PLCH2: variants seen among roughly 807,000 people sequenced by gnomAD.
PLCH2 encodes the protein phospholipase C eta 2.
PLCH2 carries 98 observed loss-of-function variants against 134.7 expected under a neutral mutation model. That is an observed-to-expected ratio of 0.73 (90% CI 0.62 to 0.86). PLCH2 has a LOEUF of 0.86. Among genes scored for constraint, PLCH2 ranks in the 40% least tolerant of loss-of-function variants. PLCH2 has a pLI of 0.00. For missense variants in PLCH2, 1,994 were observed against 1,986.6 expected, an observed-to-expected ratio of 1.00 and a Z score of -0.07; for synonymous variants, 974 against 827.5, an observed-to-expected ratio of 1.18 and a Z score of -3.04.
chr1:2,500,979 A>C (rs1643194512), intron 20 of PLCH2: 1 of 144,240 alleles, frequency 6.9e-6, no homozygotes, highest in Non-Finnish European at 1.5e-5. Context: ...GTTGGTTCTG[A>C]GTTCGCCTCC....
At chr1:2,487,775 G>C (rs1193259911) in intron 8 of PLCH2, 57 bp downstream of exon 8, 2 of 1,542,834 alleles carry the variant, frequency 1.3e-6, no homozygotes, top group South Asian at 1.2e-5. Flanking sequence ...AGGGTCTCCA[G>C]GCTCTAGCTC....
chr1:2,454,149 TC>T (rs2100565152), intron 2 of PLCH2, among the ~76,000 whole-genome samples: 1 of 152,290 alleles, frequency 6.6e-6, no homozygotes, highest in South Asian at 2.1e-4. Context: ...GTGTTTGGCC[TC>T]CCCGGGGCAT....
chr1:2,444,300 C>G lies in PLCH2; in HGVS notation c.115+13671C>G, dbSNP rs955076991. Among the ~76,000 whole-genome samples, 1 of 152,214 alleles carries G rather than the reference C, an allele frequency of 6.6e-6. No individual in the cohort carries two copies. The highest frequency in any genetic ancestry group is 2.4e-5 in the African/African-American group (1 of 41,464). ...AGAATGACCCCTGCTGAGCCCAGGC[C>G]GGGCACCCCGATCCCTGCCGGATGG... On this transcript the variant is annotated intron_variant, in intron 2 of 3. Coordinates refer to the PLCH2 transcript ENST00000609981. This position sits in a 1 kb window ranked among gnomAD's most constrained non-coding sequence, Gnocchi z 4.6.
At chr1:2,418,651 G>T in the PLCH2 span, among the ~76,000 whole-genome samples, 11 of 152,232 alleles carry the variant, frequency 7.2e-5, no homozygotes, top group Non-Finnish European at 1.2e-4. Context: ...AGGATCTTCA[G>T]TCAGGCAAAG....
At chr1:2,481,481 G>A (rs1283006250) in intron 4 of PLCH2, among the ~76,000 whole-genome samples, 1 of 152,250 alleles carries the variant, frequency 6.6e-6, no homozygotes, top group Non-Finnish European at 1.5e-5. Context: ...TTGAGGCTGT[G>A]CCAGGGCCCG....
At chr1:2,499,592 G>T (rs141226937) in intron 19 of PLCH2, 49 bp from the exon 20 acceptor site, 1 of 1,365,598 alleles carries the variant, frequency 7.3e-7, no homozygotes, top group Non-Finnish European at 1.0e-6. Flanking sequence ...GCAGGTGGGG[G>T]CCCTGGGAGG....
At chr1:2,437,310 T>C (rs1639470457) in intron 2 of PLCH2, among the ~76,000 whole-genome samples, 1 of 152,148 alleles carries the variant, frequency 6.6e-6, no homozygotes, top group Admixed American at 6.5e-5. Flanking sequence ...CCACATTCTC[T>C]AGGGTTGCTC....
intron 2 of PLCH2, among the ~76,000 whole-genome samples, chr1:2,438,080 A>G (rs1307685857): frequency 6.6e-6 from 1 of 152,214 alleles, no homozygotes; most frequent in Non-Finnish European, 1.5e-5. Context: ...CTGGCTTTGC[A>G]GGTCCCTGGG....
upstream of PLCH2, among the ~76,000 whole-genome samples, chr1:2,466,352 G>A (rs528360105): frequency 2.4e-4 from 36 of 152,334 alleles, no homozygotes; most frequent in African/African-American, 7.9e-4. Flanking sequence ...TGGTCCAGCC[G>A]AGGGTCCTAG....
rs1330748579 is a variant in PLCH2, at chr1:2,498,477, C to A, written c.2225-46C>A. 1 of 1,582,616 alleles carries A rather than the reference C, an allele frequency of 6.3e-7. No individual in the cohort carries two copies. The highest frequency in any genetic ancestry group is 8.6e-7 in the Non-Finnish European group (1 of 1,162,920). On this transcript the variant is annotated intron_variant, in intron 16 of 21. Transcript: ENST00000378486. This position sits in a 1 kb window ranked among gnomAD's most constrained non-coding sequence, Gnocchi z 5.4. Reference sequence around the variant, plus strand: ...CAGCCATGCCCCAGCAAGCAGGGGGCTTGCTGAGGGCTGGGCCACTGACCA... The same window carrying A: ...CAGCCATGCCCCAGCAAGCAGGGGGATTGCTGAGGGCTGGGCCACTGACCA...
At chr1:2,499,908 G>A in intron 20 of PLCH2, 188 bp downstream of exon 20, 1 of 626,966 alleles carries the variant, frequency 1.6e-6, no homozygotes, top group South Asian at 1.8e-5. Flanking sequence ...TGAGCCACCA[G>A]TGCCCACCTC....
At position 2,487,257 on chromosome 1, in the gene PLCH2, T is replaced by G. The variant is rs1329678601; in HGVS notation, c.995T>G (p.Leu332Arg). Residue 332 changes from leucine (L) to arginine (R), a missense_variant, in exon 7 of 22, where the codon CTG (leucine) becomes CGG (arginine). Around this residue, in one of 2 missense-constraint regions of PLCH2, gnomAD observed 1,094 missense variants for 1,234.3 expected, o/e 0.89. Coordinates refer to ENST00000378486, the MANE Select transcript of PLCH2 (RefSeq NM_014638.4). The part of the protein sequence containing the change: ...HHVHQDMTQP[L>R]SHYFITSSHN... ...GTGCACCAGGACATGACGCAGCCGC[T>G]GAGCCACTACTTCATCACCTCGTCC... The G allele has an allele frequency of 6.2e-7, 1 of 1,612,988 alleles. No homozygotes were observed.
chr1:2,481,082 A>G (rs1001022683), intron 4 of PLCH2, among the ~76,000 whole-genome samples: 2 of 152,234 alleles, frequency 1.3e-5, no homozygotes, highest in Non-Finnish European at 2.9e-5. Flanking sequence ...ATATGCACAC[A>G]GGCACACACA....
rs550691749 is a variant in PLCH2, at chr1:2,503,065, T to C, written c.2959+656T>C. 5 of 706,268 alleles carry C rather than the reference T, an allele frequency of 7.1e-6. No homozygotes were observed. In the Admixed American group the frequency reaches 1.0e-4, roughly 14 times the overall value. 43.8% of individuals were successfully genotyped at this position (706,268 alleles called of 1,614,324 possible). ...ACTGTCTCCGTGGCACTCTGCTCCC[T>C]TGGCTTGCCTGTGGCCCATAGCCCC... is the stretch of plus-strand genomic sequence containing the variant. On this transcript the variant is annotated intron_variant, in intron 21 of 21. Coordinates refer to ENST00000378486, the MANE Select transcript of PLCH2 (RefSeq NM_014638.4).
At chr1:2,488,721 A>G (rs1642407977) in intron 8 of PLCH2, among the ~76,000 whole-genome samples, 2 of 152,214 alleles carry the variant, frequency 1.3e-5, no homozygotes, top group South Asian at 4.1e-4. Context: ...GTTCCACCAG[A>G]TGGTGTGTGC....
upstream of PLCH2, among the ~76,000 whole-genome samples, chr1:2,425,473 G>A (rs2494433): frequency 0.64 from 97,854 of 151,892 alleles, 31,852 homozygotes; most frequent in East Asian, 0.76. Context: ...TTTCCTTTGG[G>A]AGTATATGCA....
intron 21 of PLCH2, 90 bp downstream of exon 21, chr1:2,502,499 G>A (rs996327907): frequency 4.0e-5 from 50 of 1,265,660 alleles, no homozygotes; most frequent in African/African-American, 5.9e-5. Context: ...TGGGATGGCC[G>A]CCACATGCAT....
chr1:2,452,114 C>T (rs901495323), intron 2 of PLCH2, among the ~76,000 whole-genome samples: 19 of 152,012 alleles, frequency 1.2e-4, no homozygotes, highest in African/African-American at 4.1e-4. Context: ...GTAGGGGCAG[C>T]GGGCAGCCCC....
chr1:2,490,543 T>C (rs978536276), intron 10 of PLCH2, among the ~76,000 whole-genome samples: 13 of 152,146 alleles, frequency 8.5e-5, no homozygotes, highest in African/African-American at 2.9e-4. Context: ...GGGAAGGCCG[T>C]TGCTTCCAGA....
Sources: gnomAD v4.1 joint callset for allele counts (sites outside exome capture counted in the v4.1 genomes callset) on GRCh38, gnomAD v4.1.1 for gene constraint, gnomAD v4.1.1 regional missense constraint, Gnocchi (gnomAD v3.1) non-coding constraint, MANE v1.5 for transcripts, NCBI Gene and HGNC (gene_info 2026-07-23, HGNC 2026-07-21) for gene names.